TYW1: variants seen among roughly 807,000 people sequenced by gnomAD.
TYW1 encodes the protein tRNA-yW synthesizing protein 1 homolog.
In TYW1, 46 loss-of-function variants were observed where a neutral mutation model predicts 96.2. The ratio of observed to expected loss-of-function variants is 0.48; its 90% CI spans 0.38 to 0.61. The LOEUF is 0.61. Among genes scored for constraint, TYW1 ranks in the 20% least tolerant of loss-of-function variants. The pLI is 0.00. For synonymous variants in TYW1, 274 were observed against 323.0 expected, an observed-to-expected ratio of 0.85 and a Z score of 1.63; for missense variants, 684 against 909.6, an observed-to-expected ratio of 0.75 and a Z score of 3.19.
chr7:67,160,156 G>A (rs1372868956), intron 13 of TYW1, among the ~76,000 whole-genome samples: 1 of 152,120 alleles, frequency 6.6e-6, no homozygotes. Flanking sequence ...AGTCTTACCG[G>A]GAGGCTGAGG....
chr7:67,035,076 C>T (rs1177203753), intron 7 of TYW1, among the ~76,000 whole-genome samples: 2 of 150,764 alleles, frequency 1.3e-5, no homozygotes, highest in African/African-American at 4.9e-5. Context: ...GTTTATTGTT[C>T]ATTTGCATTT....
At chr7:67,110,841 CA>C (rs1278164217) in intron 12 of TYW1, among the ~76,000 whole-genome samples, 2 of 151,926 alleles carry the variant, frequency 1.3e-5, no homozygotes, top group Non-Finnish European at 2.9e-5. Context: ...CCTGTCTCTA[CA>C]AAAAATTAAA....
intron 15 of TYW1, among the ~76,000 whole-genome samples, chr7:67,235,856 T>C (rs955382554): frequency 9.4e-5 from 13 of 138,820 alleles, no homozygotes; most frequent in African/African-American, 3.6e-4. Context: ...ATAGCACCAC[T>C]GCACTCCAGC....
At chr7:67,168,278 A>G (rs1799413917) in intron 13 of TYW1, among the ~76,000 whole-genome samples, 1 of 152,036 alleles carries the variant, frequency 6.6e-6, no homozygotes, top group Admixed American at 6.6e-5. Context: ...GTTACTATGT[A>G]TTATCTTTTT....
chr7:67,201,815 GCCT>G, intron 15 of TYW1, among the ~76,000 whole-genome samples: 1 of 152,264 alleles, frequency 6.6e-6, no homozygotes, highest in Non-Finnish European at 1.5e-5. Context: ...GTGCTCTAGT[GCCT>G]CAATAGCTTT....
At chr7:67,065,841 T>C (rs1795840515) in intron 9 of TYW1, among the ~76,000 whole-genome samples, 1 of 152,114 alleles carries the variant, frequency 6.6e-6, no homozygotes, top group African/African-American at 2.4e-5. Context: ...TAAAACCCTG[T>C]ATCTACAAAA....
At position 67,048,352 on chromosome 7, in the gene TYW1, G is replaced by C. The variant is rs553840308; in HGVS notation, c.985-1597G>C. 2.0e-5 allele frequency among the ~76,000 whole-genome samples: 3 copies of C among 150,898 alleles called. No homozygotes were observed. The Admixed American group carries it at 2.0e-4, about 10-fold the overall frequency. ...TGGCTGGACATTTAAAATAGACAGGGACCAAGGGTGGGCTGGGGCTTGGTG... is the reference window on the plus strand; with the variant it reads ...TGGCTGGACATTTAAAATAGACAGGCACCAAGGGTGGGCTGGGGCTTGGTG... On this transcript the variant is annotated intron_variant, in intron 7 of 15. Transcript: ENST00000359626.
intron 3 of TYW1, among the ~76,000 whole-genome samples, chr7:67,002,935 G>T (rs542113465): frequency 2.0e-5 from 3 of 150,090 alleles, no homozygotes; most frequent in African/African-American, 7.4e-5. Context: ...CAAAGTGCTG[G>T]GATTTTTGTA....
chr7:67,013,118 TTC>T (rs1793871586), intron 4 of TYW1, among the ~76,000 whole-genome samples: 1 of 148,496 alleles, frequency 6.7e-6, no homozygotes, highest in Non-Finnish European at 1.5e-5. Flanking sequence ...TTCTTTTCTT[TTC>T]TTTTTTTTTT....
At chr7:67,173,309 G>T (rs1277900444) in intron 13 of TYW1, among the ~76,000 whole-genome samples, 1 of 152,148 alleles carries the variant, frequency 6.6e-6, no homozygotes, top group Non-Finnish European at 1.5e-5. Context: ...GGAAGAAGGT[G>T]GGTCATTTGT....
At chr7:67,029,059 C>T (rs763750733) in intron 7 of TYW1, among the ~76,000 whole-genome samples, 7 of 150,558 alleles carry the variant, frequency 4.6e-5, no homozygotes, top group Admixed American at 6.6e-5. Context: ...AGTGCAGTGG[C>T]GCAATCTCGG....
intron 11 of TYW1, among the ~76,000 whole-genome samples, chr7:67,093,233 C>T (rs892140956): frequency 9.9e-5 from 15 of 152,226 alleles, no homozygotes; most frequent in Middle Eastern, 3.4e-3. Context: ...GCAGCTAGCA[C>T]GTTTTGAATG....
At chr7:67,001,993 C>T (rs1038823005) in intron 3 of TYW1, among the ~76,000 whole-genome samples, 50 of 151,228 alleles carry the variant, frequency 3.3e-4, no homozygotes, top group African/African-American at 1.2e-3. Context: ...TAGATTGCAC[C>T]ACTGCACTCC....
chr7:67,151,214 CTA>C (rs1798789795), intron 13 of TYW1, among the ~76,000 whole-genome samples: 1 of 152,308 alleles, frequency 6.6e-6, no homozygotes, highest in East Asian at 1.9e-4. Flanking sequence ...CCACGCCTGG[CTA>C]ATCTTTTGTA....
intron 9 of TYW1, among the ~76,000 whole-genome samples, chr7:67,058,962 AAATG>A (rs1446325825): frequency 2.0e-5 from 3 of 152,134 alleles, no homozygotes; most frequent in Non-Finnish European, 4.4e-5. Context: ...CTCTAGAAGA[AAATG>A]ATGGTTATTT....
chr7:67,041,967 TA>T (rs1795038092), intron 7 of TYW1, among the ~76,000 whole-genome samples: 1 of 148,854 alleles, frequency 6.7e-6, no homozygotes, highest in Non-Finnish European at 1.5e-5. Context: ...ATATTTTTTA[TA>T]TAATAACATT....
chr7:67,164,325 T>G (rs1164623348), intron 13 of TYW1, among the ~76,000 whole-genome samples: 1 of 152,094 alleles, frequency 6.6e-6, no homozygotes, highest in African/African-American at 2.4e-5. Flanking sequence ...AATTACCCCT[T>G]GCAGCCAGGT....
chr7:67,209,440 T>C (rs1800923657), intron 15 of TYW1, among the ~76,000 whole-genome samples: 1 of 152,146 alleles, frequency 6.6e-6, no homozygotes, highest in South Asian at 2.1e-4. Context: ...ACACTGAAAT[T>C]CCCTCCACAT....
At chr7:67,052,355 C>G (rs370036469) in intron 8 of TYW1, among the ~76,000 whole-genome samples, 3 of 152,130 alleles carry the variant, frequency 2.0e-5, no homozygotes, top group African/African-American at 7.2e-5. Flanking sequence ...GTTCTTTCTT[C>G]TGTCTCACTT....
Sources: allele counts gnomAD v4.1 joint callset (sites outside exome capture counted in the v4.1 genomes callset), GRCh38; gene constraint gnomAD v4.1.1; transcripts MANE v1.5; gene names NCBI Gene and HGNC (gene_info 2026-07-23, HGNC 2026-07-21).